Variants in MED26 observed in about 807,000 individuals in gnomAD.
MED26 encodes mediator complex subunit 26, also known as mediator of RNA polymerase II transcription subunit 26.
A neutral mutation model predicts 43.7 loss-of-function variants in MED26; 7 were observed. That is an observed-to-expected ratio of 0.16 (90% CI 0.09 to 0.30). The LOEUF is 0.30. MED26 is among the 10% of genes least tolerant of loss of function. The pLI, the probability that MED26 is intolerant of heterozygous loss-of-function variation, is 1.00. For synonymous variants in MED26, 375 were observed against 371.1 expected (o/e 1.01, Z -0.12); for missense variants, 784 against 840.6 (o/e 0.93, Z 0.83).
At chr19:16,584,466 A>C (rs2122390575) in intron 1 of MED26, among the ~76,000 whole-genome samples, 1 of 152,288 alleles carries the variant, frequency 6.6e-6, no homozygotes, top group Non-Finnish European at 1.5e-5. Flanking sequence ...GTGAGGAAGG[A>C]GGCGGGGCTG....
At chr19:16,605,869 T>A (rs537512954) in intron 1 of MED26, among the ~76,000 whole-genome samples, 16 of 152,352 alleles carry the variant, frequency 1.1e-4, no homozygotes, top group Admixed American at 2.0e-4. Flanking sequence ...ACCCTGCCAG[T>A]CACAAAGTGC....
Position 16,628,032 on chromosome 19 carries a change from G to C in MED26, c.-89C>G, listed in dbSNP as rs1599353131. The C allele has an allele frequency of 2.5e-6, 2 of 786,306 alleles. No homozygotes were observed. The highest frequency in any genetic ancestry group is 1.8e-6 in the Non-Finnish European group (1 of 560,828). The allele number at this position is 786,306 out of a possible 1,614,324, so 48.7% of individuals were successfully genotyped here. On this transcript the variant is annotated 5_prime_UTR_variant, in exon 1 of 3. Coordinates refer to ENST00000263390, the MANE Select transcript of MED26 (RefSeq NM_004831.5). ...GGGTCACTCACTCGCCGGCCTCCGGGAGCCGGAGCCGCATGTTCCCCGCGG... is the reference window on the plus strand; with the variant it reads ...GGGTCACTCACTCGCCGGCCTCCGGCAGCCGGAGCCGCATGTTCCCCGCGG...
At chr19:16,604,801 C>T (rs958238308) in intron 1 of MED26, among the ~76,000 whole-genome samples, 4 of 152,196 alleles carry the variant, frequency 2.6e-5, no homozygotes, top group Non-Finnish European at 4.4e-5. Context: ...ACAGCGATTG[C>T]GCCACCCCTA....
chr19:16,576,092 T>C lies in MED26; in HGVS notation c.1738A>G (p.Ile580Val), dbSNP rs777939661. The C allele has an allele frequency of 1.9e-6, 3 of 1,613,786 alleles. No homozygotes were observed. The highest frequency in any genetic ancestry group is 1.7e-6 in the Non-Finnish European group (2 of 1,180,020). The change falls in exon 3 of 3, where the codon ATA (isoleucine) becomes GTA (valine). Residue 580 changes from isoleucine to valine, a missense_variant. By Grantham distance (29) the Ile-to-Val change is conservative. Coordinates refer to ENST00000263390, the MANE Select transcript of MED26 (RefSeq NM_004831.5). This position sits in a 1 kb window ranked among gnomAD's most constrained non-coding sequence, Gnocchi z 6.8. The stretch of plus-strand genomic sequence containing the variant: ...TCGTCGCCGTGCGGATCGAGCGATA[T>C]GCACTGCGTCCAGTCATACCAGTTA... ...QGNWYDWTQC[I>V]SLDPHGDDGR...
chr19:16,576,709 G>A lies in MED26; in HGVS notation c.1121C>T (p.Pro374Leu). The A allele has an allele frequency of 6.2e-7, 1 of 1,613,138 alleles. No individual in the cohort carries two copies. Among genetic ancestry groups the A allele is most frequent in the Non-Finnish European group, 8.5e-7 (1 of 1,180,000 alleles). Reference sequence around the variant, plus strand: ...ATCACTGTCCGCCTTGGAGGAGTCTGGGGAAAAGCCTGCCCGGGACAGGAG... The same window carrying A: ...ATCACTGTCCGCCTTGGAGGAGTCTAGGGAAAAGCCTGCCCGGGACAGGAG... Reference protein sequence around the residue: ...EPLLSRAGFSPDSSKADSDAA... With the variant: ...EPLLSRAGFSLDSSKADSDAA... Residue 374 changes from proline to leucine, a missense_variant, in exon 3 of 3, where the codon CCA (proline) becomes CTA (leucine). Physicochemically the swap from Pro to Leu is moderately conservative, Grantham distance 98. Transcript: ENST00000263390. The surrounding 1 kb of genome is among the most constrained non-coding windows in gnomAD (Gnocchi z 6.8).
intron 1 of MED26, among the ~76,000 whole-genome samples, chr19:16,584,311 CA>C (rs11371657): frequency 7.0e-6 from 1 of 143,228 alleles, no homozygotes; most frequent in Non-Finnish European, 1.5e-5. Flanking sequence ...CCCGCCCCGC[CA>C]AAAAAAAACA....
At chr19:16,607,936 C>T (rs1487972619) in intron 1 of MED26, among the ~76,000 whole-genome samples, 4 of 152,210 alleles carry the variant, frequency 2.6e-5, no homozygotes, top group East Asian at 3.9e-4. Context: ...TGGGAAACTA[C>T]GATCACGAGA....
At position 16,609,902 on chromosome 19, in the gene MED26, T is replaced by G. The variant is rs563924245; in HGVS notation, c.72+17970A>C. ...AGAAACAAAAACAAAACCCACACCC[T>G]AACATATAAAAGTTATGTTCTTGGA... On this transcript the variant is annotated intron_variant, in intron 1 of 2. Transcript: ENST00000263390. Among the ~76,000 whole-genome samples the G allele has an allele frequency of 4.3e-4, 42 of 98,364 alleles. No homozygotes were observed. The East Asian group carries it at 0.013, about 29-fold the overall frequency. The allele number at this position is 98,364 out of a possible 152,430, so 64.5% of individuals were successfully genotyped here.
intron 1 of MED26, among the ~76,000 whole-genome samples, chr19:16,621,911 A>G (rs1199856148): frequency 6.6e-6 from 1 of 152,000 alleles, no homozygotes; most frequent in African/African-American, 2.4e-5. Context: ...ATGTAATGCT[A>G]CCCCAAGGCC....
intron 1 of MED26, among the ~76,000 whole-genome samples, chr19:16,627,313 C>T (rs886797136): frequency 3.3e-5 from 5 of 152,164 alleles, no homozygotes; most frequent in Non-Finnish European, 7.3e-5. Context: ...AGACTCTCCA[C>T]GTACCCTAGG....
At chr19:16,592,647 C>T (rs2086103271) in intron 1 of MED26, among the ~76,000 whole-genome samples, 1 of 152,224 alleles carries the variant, frequency 6.6e-6, no homozygotes. Flanking sequence ...AGTGTCCCCA[C>T]CTTCATCCAC....
intron 1 of MED26, among the ~76,000 whole-genome samples, chr19:16,596,753 G>A (rs2086121726): frequency 6.6e-6 from 1 of 152,196 alleles, no homozygotes; most frequent in South Asian, 2.1e-4. Context: ...CGGGGTGACA[G>A]GACCTGGGGT....
At chr19:16,578,970 A>T (rs1164060942) in intron 1 of MED26, among the ~76,000 whole-genome samples, 1 of 152,132 alleles carries the variant, frequency 6.6e-6, no homozygotes, top group Non-Finnish European at 1.5e-5. Context: ...GTGTGCTGGC[A>T]TGCGCCTGTA....
intron 1 of MED26, among the ~76,000 whole-genome samples, chr19:16,602,030 C>G (rs2086152076): frequency 6.6e-6 from 1 of 152,190 alleles, no homozygotes; most frequent in East Asian, 1.9e-4. Flanking sequence ...CGGCTGTGTG[C>G]CTGCAGGGGT....
chr19:16,617,746 A>G (rs1475523741), intron 1 of MED26, among the ~76,000 whole-genome samples: 1 of 152,364 alleles, frequency 6.6e-6, no homozygotes, highest in African/African-American at 2.4e-5. Flanking sequence ...GGGAGAAGAC[A>G]GGCTCCTCAT....
At chr19:16,598,769 G>A (rs192758800) in intron 1 of MED26, among the ~76,000 whole-genome samples, 24 of 152,198 alleles carry the variant, frequency 1.6e-4, no homozygotes, top group Admixed American at 4.6e-4. Flanking sequence ...CTACTGTGCC[G>A]GACCCATCAT....
At chr19:16,594,472 G>C (rs1326220009) in intron 1 of MED26, among the ~76,000 whole-genome samples, 1 of 152,198 alleles carries the variant, frequency 6.6e-6, no homozygotes, top group Non-Finnish European at 1.5e-5. Context: ...GCCATGATTT[G>C]GCCTGGGCTA....
At chr19:16,595,919 T>C (rs2086118109) in intron 1 of MED26, among the ~76,000 whole-genome samples, 1 of 152,232 alleles carries the variant, frequency 6.6e-6, no homozygotes, top group African/African-American at 2.4e-5. Flanking sequence ...CTTCCTTCTC[T>C]CATTTTTTCC....
intron 1 of MED26, among the ~76,000 whole-genome samples, chr19:16,620,035 G>A (rs766995271): frequency 2.0e-5 from 3 of 152,182 alleles, no homozygotes; most frequent in African/African-American, 4.8e-5. Context: ...AAGATCAAGC[G>A]CCGCCTTCTC....
Sources: gnomAD v4.1 joint callset for allele counts (sites outside exome capture counted in the v4.1 genomes callset) on GRCh38, gnomAD v4.1.1 for gene constraint, Gnocchi (gnomAD v3.1) non-coding constraint, MANE v1.5 for transcripts, NCBI Gene and HGNC (gene_info 2026-07-23, HGNC 2026-07-21) for gene names.